AGBL3: variants seen among roughly 807,000 people sequenced by gnomAD.
The protein encoded by AGBL3 is cytosolic carboxypeptidase 3.
In AGBL3, 68 loss-of-function variants were observed where a neutral mutation model predicts 94.5. That is an observed-to-expected ratio of 0.72 (90% CI 0.59 to 0.88). The LOEUF is 0.88. Among genes scored for constraint, AGBL3 ranks in the 40% least tolerant of loss-of-function variants. The pLI is 0.00. For synonymous variants in AGBL3, 354 were observed against 370.7 expected, an observed-to-expected ratio of 0.95 and a Z score of 0.52; for missense variants, 934 against 1,103.8, an observed-to-expected ratio of 0.85 and a Z score of 2.18.
chr7:135,019,956 A>T (rs1383675341), intron 5 of AGBL3, among the ~76,000 whole-genome samples: 1 of 152,156 alleles, frequency 6.6e-6, no homozygotes, highest in East Asian at 1.9e-4. Context: ...AACCATAAAA[A>T]CCCTAGAAGA....
chr7:135,084,337 G>A (rs58588406), intron 15 of AGBL3, among the ~76,000 whole-genome samples: 1 of 152,044 alleles, frequency 6.6e-6, no homozygotes, highest in South Asian at 2.1e-4. Context: ...TCATTTCTTT[G>A]TGTTTGGTAC....
chr7:135,025,851 A>C (rs1815030073), intron 5 of AGBL3, among the ~76,000 whole-genome samples: 1 of 151,738 alleles, frequency 6.6e-6, no homozygotes, highest in African/African-American at 2.4e-5. Flanking sequence ...AGGGCATTAC[A>C]TAAACAGTTC....
chr7:135,135,110 A>G lies in AGBL3; in HGVS notation c.2612A>G (p.Asn871Ser). 4 of 1,551,192 alleles carry G rather than the reference A, an allele frequency of 2.6e-6. No individual in the cohort carries two copies. The South Asian group carries it at 3.6e-5, about 14-fold the overall frequency. Residue 871 changes from asparagine (N) to serine (S), a missense_variant, in exon 17 of 17, where the codon AAT becomes AGT. Around this residue, in one of 3 missense-constraint regions of AGBL3, gnomAD observed 441 missense variants for 518.2 expected, o/e 0.85. Transcript: ENST00000436302. ...TASSSFGMDANVLKYKSLQAE... is the reference protein window; with the variant it reads ...TASSSFGMDASVLKYKSLQAE... ...TCTTCAAGCTTTGGAATGGATGCAA[A>G]TGTTCTAAAATATAAGAGTCTTCAA...
At chr7:135,078,571 T>A (rs1820664413) in intron 13 of AGBL3, among the ~76,000 whole-genome samples, 1 of 152,020 alleles carries the variant, frequency 6.6e-6, no homozygotes, top group Non-Finnish European at 1.5e-5. Context: ...ATCCACAGAG[T>A]GGTTTTCCTC....
intron 16 of AGBL3, among the ~76,000 whole-genome samples, chr7:135,131,243 C>T (rs932204964): frequency 1.3e-4 from 20 of 151,944 alleles, no homozygotes; most frequent in Middle Eastern, 3.2e-3. Context: ...TGTTTTCACT[C>T]ATAAGTGGGA....
intron 4 of AGBL3, among the ~76,000 whole-genome samples, chr7:134,994,656 A>G (rs981489209): frequency 6.6e-6 from 1 of 152,240 alleles, no homozygotes; most frequent in Non-Finnish European, 1.5e-5. Flanking sequence ...TGCAGTGCCT[A>G]CTAGGAGTTC....
Position 135,025,042 on chromosome 7 carries a change from T to C in AGBL3, c.419-7802T>C, listed in dbSNP as rs139577339. Reference sequence around the variant, plus strand: ...GAGAGAGAGTAAGCAACTTGGAAAATGTATTTTAGGATATAGTTCACAAAA... The same window carrying C: ...GAGAGAGAGTAAGCAACTTGGAAAACGTATTTTAGGATATAGTTCACAAAA... On this transcript the variant is annotated intron_variant, in intron 5 of 16. Coordinates refer to ENST00000436302, the MANE Select transcript of AGBL3 (RefSeq NM_178563.4). 5.9e-5 allele frequency among the ~76,000 whole-genome samples: 9 copies of C among 151,586 alleles called. No individual in the cohort carries two copies. In the East Asian group the frequency reaches 1.9e-3, roughly 31 times the overall value.
intron 15 of AGBL3, among the ~76,000 whole-genome samples, chr7:135,101,570 G>A (rs1023455274): frequency 2.0e-4 from 30 of 151,768 alleles, no homozygotes; most frequent in South Asian, 1.0e-3. Flanking sequence ...ACCACCACCC[G>A]CCAAGAAAAT....
At chr7:134,990,146 C>T (rs1164646730) in intron 3 of AGBL3, among the ~76,000 whole-genome samples, 2 of 152,122 alleles carry the variant, frequency 1.3e-5, no homozygotes, top group African/African-American at 4.8e-5. Context: ...GTCTGAATTG[C>T]CCATTTATAC....
chr7:135,042,893 CAGAG>C (rs1364966155), intron 8 of AGBL3, among the ~76,000 whole-genome samples: 4 of 152,050 alleles, frequency 2.6e-5, no homozygotes, highest in East Asian at 3.9e-4. Context: ...GCCTGGGTGA[CAGAG>C]AGAGACCCTG....
At chr7:135,075,626 A>C (rs1820373642) in intron 12 of AGBL3, among the ~76,000 whole-genome samples, 1 of 152,210 alleles carries the variant, frequency 6.6e-6, no homozygotes, top group East Asian at 1.9e-4. Context: ...GTTATGGTAC[A>C]TACATGTTTA....
At chr7:135,102,299 T>C (rs1050540214) in intron 15 of AGBL3, among the ~76,000 whole-genome samples, 1 of 152,244 alleles carries the variant, frequency 6.6e-6, no homozygotes, top group Admixed American at 6.5e-5. Context: ...AAATTATACT[T>C]ATATTTTCTT....
intron 15 of AGBL3, among the ~76,000 whole-genome samples, chr7:135,113,205 A>C (rs2117161759): frequency 6.6e-6 from 1 of 152,344 alleles, no homozygotes; most frequent in Non-Finnish European, 1.5e-5. Flanking sequence ...AGCTTAAAGC[A>C]ATGTGTGCTT....
chr7:135,043,502 TAAG>T (rs1268926582), intron 8 of AGBL3, among the ~76,000 whole-genome samples: 1 of 152,024 alleles, frequency 6.6e-6, no homozygotes, highest in Non-Finnish European at 1.5e-5. Flanking sequence ...GTACAAAAAA[TAAG>T]AACTAGTATT....
chr7:135,075,295 GT>G (rs1265890861), intron 12 of AGBL3, among the ~76,000 whole-genome samples: 3 of 152,152 alleles, frequency 2.0e-5, no homozygotes, highest in Non-Finnish European at 4.4e-5. Flanking sequence ...ATTCACAAAT[GT>G]TTTTTCACAT....
chr7:135,026,361 G>A lies in AGBL3; in HGVS notation c.419-6483G>A, dbSNP rs975759015. Among the ~76,000 whole-genome samples, 7 of 150,252 alleles carry A rather than the reference G, an allele frequency of 4.7e-5. 1 individual carries two copies. The highest frequency in any genetic ancestry group is 4.4e-4 in the South Asian group (2 of 4,584). ...ACAATCTTGGCTCATTGCAACCTCCGCCTCTTAGGTTCAAGCGATTTTCCT... is the reference window on the plus strand; with the variant it reads ...ACAATCTTGGCTCATTGCAACCTCCACCTCTTAGGTTCAAGCGATTTTCCT... On this transcript the variant is annotated intron_variant, in intron 5 of 16. Transcript: ENST00000436302.
intron 8 of AGBL3, among the ~76,000 whole-genome samples, chr7:135,037,782 A>G (rs1816456185): frequency 6.6e-6 from 1 of 152,090 alleles, no homozygotes; most frequent in African/African-American, 2.4e-5. Context: ...AAAAGGCAAA[A>G]ATGCCCCCAA....
intron 4 of AGBL3, among the ~76,000 whole-genome samples, chr7:135,012,879 T>C (rs1483170260): frequency 1.5e-4 from 23 of 152,200 alleles, no homozygotes; most frequent in African/African-American, 9.6e-5. Flanking sequence ...TCTGTAGTTA[T>C]AGATAAGGCA....
chr7:134,990,275 C>T (rs930651970), intron 3 of AGBL3, among the ~76,000 whole-genome samples: 1 of 152,168 alleles, frequency 6.6e-6, no homozygotes, highest in African/African-American at 2.4e-5. Context: ...CAGGCTTCAC[C>T]CCTGGCTCCA....
Sources: allele counts gnomAD v4.1 joint callset (sites outside exome capture counted in the v4.1 genomes callset), GRCh38; gene constraint gnomAD v4.1.1; regional missense constraint gnomAD v4.1.1; transcripts MANE v1.5; gene names NCBI Gene and HGNC (gene_info 2026-07-23, HGNC 2026-07-21).